The following MTMR12 variants were observed in gnomAD, a reference collection of about 807,000 sequenced individuals.
The protein encoded by MTMR12 is myotubularin related protein 12, also known as myotubularin-related protein 12.
In MTMR12, 33 loss-of-function variants were observed where a neutral mutation model predicts 96.7. That is an observed-to-expected ratio of 0.34 (90% CI 0.26 to 0.46). MTMR12 has a LOEUF of 0.46. MTMR12 is among the 20% of genes least tolerant of loss of function. The pLI is 1.00. For synonymous variants in MTMR12, 298 were observed against 327.2 expected, an observed-to-expected ratio of 0.91 and a Z score of 0.96; for missense variants, 721 against 896.1, an observed-to-expected ratio of 0.80 and a Z score of 2.49.
At chr5:32,304,164 G>T (rs903557369) in intron 1 of MTMR12, among the ~76,000 whole-genome samples, 2 of 151,934 alleles carry the variant, frequency 1.3e-5, no homozygotes, top group African/African-American at 4.8e-5. Flanking sequence ...TACTAAAAAT[G>T]CAAAAATCAG....
intron 15 of MTMR12, among the ~76,000 whole-genome samples, chr5:32,231,059 G>A (rs1188727476): frequency 1.3e-5 from 2 of 152,128 alleles, no homozygotes; most frequent in Non-Finnish European, 2.9e-5. Flanking sequence ...TTCTCTCTGT[G>A]GCCAGAGCAG....
intron 15 of MTMR12, among the ~76,000 whole-genome samples, chr5:32,231,227 C>A (rs1344228003): frequency 3.3e-5 from 5 of 152,014 alleles, no homozygotes; most frequent in Admixed American, 1.3e-4. Context: ...AAAACCCCAT[C>A]TCCACTAAAA....
rs542081994 is a variant in MTMR12, at chr5:32,311,418, C to T, written c.81+1340G>A. The stretch of plus-strand genomic sequence containing the variant: ...TTTCCCCTGGAGAAAACACACATAT[C>T]TTGAATTTAAAGATACATATGCAAA... On this transcript the variant is annotated intron_variant, in intron 1 of 15. Transcript: ENST00000382142. Among the ~76,000 whole-genome samples, 198 of 152,274 alleles carry T rather than the reference C, an allele frequency of 1.3e-3. 1 individual carries two copies. Among genetic ancestry groups the T allele is most frequent in the Admixed American group, 3.3e-3 (50 of 15,302 alleles).
At chr5:32,282,488 T>C (rs572081507) in intron 1 of MTMR12, among the ~76,000 whole-genome samples, 1 of 151,638 alleles carries the variant, frequency 6.6e-6, no homozygotes, top group East Asian at 1.9e-4. Context: ...AAAATCATCA[T>C]GAGTATCTAA....
chr5:32,241,635 A>G (rs551907858), intron 12 of MTMR12, among the ~76,000 whole-genome samples: 12 of 152,364 alleles, frequency 7.9e-5, no homozygotes, highest in African/African-American at 2.9e-4. Flanking sequence ...AGGAACTCAC[A>G]GGCCACCAAG....
At position 32,273,965 on chromosome 5, in the gene MTMR12, G is replaced by A; in HGVS notation, c.285+15C>T. On this transcript the variant is annotated intron_variant, in intron 3 of 15. Transcript: ENST00000382142. ...CTGTTGCCCACAAACTCTGCCAAAT[G>A]CAGCCCATACATACATCATTATCCA... The A allele has an allele frequency of 6.2e-7, 1 of 1,613,310 alleles. No individual in the cohort carries two copies. Among genetic ancestry groups the A allele is most frequent in the South Asian group, 1.1e-5 (1 of 90,884 alleles).
intron 7 of MTMR12, 132 bp from the exon 8 acceptor site, chr5:32,255,900 C>G (rs1028175305): frequency 1.4e-6 from 1 of 737,066 alleles, no homozygotes; most frequent in Non-Finnish European, 2.2e-6. Context: ...TGTTCAGAAC[C>G]AGCTCAGAGG....
chr5:32,246,174 T>TTTTTTTTTTGTTTG (rs1290550742), intron 10 of MTMR12, among the ~76,000 whole-genome samples: 1,979 of 149,644 alleles, frequency 0.013, 28 homozygotes, highest in East Asian at 0.059. Context: ...TAGACAGTTT[T>TTTTTTTTTTGTTTG]TTTTTTTTTT....
chr5:32,284,746 CACTA>C (rs149623969), intron 1 of MTMR12, among the ~76,000 whole-genome samples: 188 of 152,248 alleles, frequency 1.2e-3, no homozygotes, highest in African/African-American at 4.2e-3. Context: ...TCACTTATTC[CACTA>C]ACTATCATGT....
intron 1 of MTMR12, among the ~76,000 whole-genome samples, chr5:32,279,076 C>CAAAAAAAAAAAAAAAAAAAAAAAAAAAA: frequency 2.0e-5 from 1 of 50,532 alleles, no homozygotes; most frequent in African/African-American, 7.7e-5. Context: ...AACTCTGTCT[C>CAAAAAAAAAAAAAAAAAAAAAAAAAAAA]AAAAAAAAAA....
Position 32,230,120 on chromosome 5 carries a change from G to T in MTMR12, c.1902C>A (p.Pro634=). The change falls in exon 16 of 16, where the codon CCC becomes CCA. Residue 634 remains proline, a synonymous_variant. Coordinates refer to ENST00000382142, the MANE Select transcript of MTMR12 (RefSeq NM_001040446.3). ...AGCGCTGGGCCCAGACTTTGATTTC[G>T]GGCCCCTCGATATGCGGTAACAACA... is the stretch of plus-strand genomic sequence containing the variant. ...HGLLLPHIEG[P]EIKVWAQRYL... 1 of 1,612,368 alleles carries T rather than the reference G, an allele frequency of 6.2e-7. No individual in the cohort carries two copies. The highest frequency in any genetic ancestry group is 8.5e-7 in the Non-Finnish European group (1 of 1,178,756).
chr5:32,310,576 T>G (rs1175710355), intron 1 of MTMR12, among the ~76,000 whole-genome samples: 2 of 152,202 alleles, frequency 1.3e-5, no homozygotes, highest in African/African-American at 4.8e-5. Flanking sequence ...ACGTCCTCAC[T>G]TATTTGTGGG....
chr5:32,246,169 A>AGTTTTTTTTTTGTT (rs1554056241), intron 10 of MTMR12, among the ~76,000 whole-genome samples: 17 of 130,806 alleles, frequency 1.3e-4, no homozygotes, highest in East Asian at 2.2e-4. Context: ...TTGAGTAGAC[A>AGTTTTTTTTTTGTT]GTTTTTTTTT....
rs773813417 is a variant in MTMR12, at chr5:32,233,750, G to A, written c.1674+23C>T. 3.0e-5 allele frequency: 48 copies of A among 1,614,158 alleles called. No homozygotes were observed. Among genetic ancestry groups the A allele is most frequent in the Non-Finnish European group, 3.9e-5 (46 of 1,180,020 alleles). On this transcript the variant is annotated intron_variant, in intron 15 of 15. Transcript: ENST00000382142. The surrounding 1 kb of genome is among the most constrained non-coding windows in gnomAD (Gnocchi z 5.0). ...CACGGGGTCTGGGCAGCTGAAGGGG[G>A]TTTAGACATGTGGACATCTTACTTT...
intron 1 of MTMR12, among the ~76,000 whole-genome samples, chr5:32,310,429 T>C (rs1751531348): frequency 6.6e-6 from 1 of 152,074 alleles, no homozygotes; most frequent in Non-Finnish European, 1.5e-5. Context: ...AATGAATAGA[T>C]AAAGAAAATG....
At chr5:32,297,175 A>G (rs561169025) in intron 1 of MTMR12, among the ~76,000 whole-genome samples, 1 of 152,218 alleles carries the variant, frequency 6.6e-6, no homozygotes, top group South Asian at 2.1e-4. Flanking sequence ...GTTTAACAAT[A>G]TAAAGTGTTG....
intron 6 of MTMR12, among the ~76,000 whole-genome samples, chr5:32,267,778 T>C (rs1278676902): frequency 6.6e-6 from 1 of 152,216 alleles, no homozygotes; most frequent in Non-Finnish European, 1.5e-5. Context: ...TTTAAACTTT[T>C]CTCAATTTTG....
intron 10 of MTMR12, chr5:32,247,662 T>C: frequency 1.2e-6 from 1 of 839,872 alleles, no homozygotes; most frequent in Non-Finnish European, 1.4e-6. Context: ...CTTTATAAAT[T>C]ACTGCAAGTC....
rs543895275 is a variant in MTMR12, at chr5:32,246,759, G to C, written c.1021+1243C>G. On this transcript the variant is annotated intron_variant, in intron 10 of 15. Transcript: ENST00000382142. ...ATAATTTCACCATTCTTCCACCCAA[G>C]CTTCACCATAAATTCAATATTTGTT... Among the ~76,000 whole-genome samples, 32 of 152,192 alleles carry C rather than the reference G, an allele frequency of 2.1e-4. 2 individuals carry two copies. The Middle Eastern group carries it at 0.014, about 65-fold the overall frequency.
Sources: gnomAD v4.1 joint callset for allele counts (sites outside exome capture counted in the v4.1 genomes callset) on GRCh38, gnomAD v4.1.1 for gene constraint, Gnocchi (gnomAD v3.1) non-coding constraint, MANE v1.5 for transcripts, NCBI Gene and HGNC (gene_info 2026-07-23, HGNC 2026-07-21) for gene names.